ZC3HC1: variants seen among roughly 807,000 people sequenced by gnomAD.
The protein encoded by ZC3HC1 is zinc finger C3HC-type protein 1.
ZC3HC1 carries 38 observed loss-of-function variants against 61.9 expected under a neutral mutation model. The observed-to-expected ratio is 0.61, with a 90% CI of 0.47 to 0.81. The LOEUF (loss-of-function observed/expected upper bound fraction) is 0.81. Among genes scored for constraint, ZC3HC1 ranks in the 30% least tolerant of loss-of-function variants. The probability of loss-of-function intolerance (pLI) is 0.00; values close to 1 mark genes in which losing one functional copy is unlikely to be tolerated. For missense variants in ZC3HC1, 554 were observed against 622.7 expected (o/e 0.89, Z 1.17); for synonymous variants, 213 against 229.9 (o/e 0.93, Z 0.67).
In ZC3HC1 at chr7:130,023,769, A is replaced by G. The variant is rs1193239648; in HGVS notation, c.1021-46T>C. On this transcript the variant is annotated intron_variant, in intron 7 of 9. Transcript: ENST00000358303. The surrounding 1 kb of genome is among the most constrained non-coding windows in gnomAD (Gnocchi z 4.2). Reference sequence around the variant, plus strand: ...TGGAAGTACACGAATGATATTAATGATTATGGTCAGAAATACTTCTTTCTT... The same window carrying G: ...TGGAAGTACACGAATGATATTAATGGTTATGGTCAGAAATACTTCTTTCTT... 1 of 1,427,758 alleles carries G rather than the reference A, an allele frequency of 7.0e-7. No homozygotes were observed. The highest frequency in any genetic ancestry group is 2.3e-5 in the East Asian group (1 of 43,728). The allele number at this position is 1,427,758 out of a possible 1,614,324, so 88.4% of individuals were successfully genotyped here.
chr7:130,023,818 G>A lies in ZC3HC1; in HGVS notation c.1021-95C>T. On this transcript the variant is annotated intron_variant, in intron 7 of 9. Transcript: ENST00000358303. This position sits in a 1 kb window ranked among gnomAD's most constrained non-coding sequence, Gnocchi z 4.2. ...TTTAATCTTTTTTCTTTTTTTTTTT[G>A]AGACAGAGTCTCGCTTTGTTGCCAA... 1 of 1,062,766 alleles carries A rather than the reference G, an allele frequency of 9.4e-7. No homozygotes were observed. 65.8% of individuals were successfully genotyped at this position (1,062,766 alleles called of 1,614,324 possible). A position where few individuals can be genotyped will look rare whatever the true frequency, so the allele number is the denominator to read the frequency against.
In ZC3HC1 at chr7:130,023,806, CTTT is replaced by C; in HGVS notation, c.1021-86_1021-84del. Reference sequence around the variant, plus strand: ...AATACTTCTTTCTTTAATCTTTTTTCTTTTTTTTTTTGAGACAGAGTCTCGCTT... The same window carrying C: ...AATACTTCTTTCTTTAATCTTTTTTCTTTTTTTTGAGACAGAGTCTCGCTT... On this transcript the variant is annotated intron_variant, in intron 7 of 9. Transcript: ENST00000358303. This position sits in a 1 kb window ranked among gnomAD's most constrained non-coding sequence, Gnocchi z 4.2. The C allele has an allele frequency of 2.0e-6, 2 of 985,978 alleles. No homozygotes were observed. Among genetic ancestry groups the C allele is most frequent in the Non-Finnish European group, 1.4e-6 (1 of 720,170 alleles). The allele number at this position is 985,978 out of a possible 1,614,324, so 61.1% of individuals were successfully genotyped here. A position where few individuals can be genotyped will look rare whatever the true frequency, so the allele number is the denominator to read the frequency against.
At chr7:130,027,738 C>T (rs1274172141) in intron 5 of ZC3HC1, among the ~76,000 whole-genome samples, 4 of 151,852 alleles carry the variant, frequency 2.6e-5, no homozygotes, top group South Asian at 4.2e-4. Flanking sequence ...AGGCTGGTCT[C>T]GAACTCCTGA....
chr7:130,039,570 C>A, intron 3 of ZC3HC1, 23 bp from the exon 4 acceptor site: 1 of 1,593,302 alleles, frequency 6.3e-7, no homozygotes, highest in South Asian at 1.1e-5. Context: ...TAAACAGCAA[C>A]ACCTTAAAAA....
At chr7:130,019,868 T>C (rs1793561720) in intron 9 of ZC3HC1, among the ~76,000 whole-genome samples, 1 of 137,682 alleles carries the variant, frequency 7.3e-6, no homozygotes, top group African/African-American at 2.8e-5. Context: ...CAGGCTGGAG[T>C]GCTGTGGTGC....
chr7:130,031,978 C>T (rs772195438), intron 4 of ZC3HC1, among the ~76,000 whole-genome samples: 4 of 152,204 alleles, frequency 2.6e-5, no homozygotes, highest in Non-Finnish European at 5.9e-5. Context: ...GTAATCCCAA[C>T]ACTTTGGGAG....
intron 2 of ZC3HC1, chr7:130,043,775 T>C (rs1794767443): frequency 2.3e-6 from 1 of 437,536 alleles, no homozygotes; most frequent in African/African-American, 2.0e-5. Flanking sequence ...GGCAGCCAAG[T>C]GTGGAGTGCT....
chr7:130,028,163 CAAAAAAAAAAAAAAAAAAAA>C (rs58430072), intron 5 of ZC3HC1, among the ~76,000 whole-genome samples: 60 of 34,124 alleles, frequency 1.8e-3, no homozygotes, highest in African/African-American at 6.7e-3. Context: ...GACTCTGTCT[CAAAAAAAAAAAAAAAAAAAA>C]AAAAAAAAAA....
intron 9 of ZC3HC1, among the ~76,000 whole-genome samples, chr7:130,020,934 C>T (rs1793616773): frequency 6.6e-6 from 1 of 151,830 alleles, no homozygotes; most frequent in Non-Finnish European, 1.5e-5. Context: ...GAGACAGCGT[C>T]TCTCTCTGAA....
intron 2 of ZC3HC1, among the ~76,000 whole-genome samples, chr7:130,046,419 C>T (rs1361432934): frequency 1.3e-5 from 2 of 151,866 alleles, no homozygotes; most frequent in African/African-American, 4.8e-5. Flanking sequence ...CCAGCCTGGG[C>T]AACACAGTGA....
intron 4 of ZC3HC1, among the ~76,000 whole-genome samples, chr7:130,034,905 T>C (rs1289471020): frequency 6.6e-6 from 1 of 152,128 alleles, no homozygotes; most frequent in African/African-American, 2.4e-5. Flanking sequence ...ATCTCTTCCT[T>C]CAAAAAATCT....
At position 130,040,973 on chromosome 7, in the gene ZC3HC1, T is replaced by C; in HGVS notation, c.387A>G (p.Gln129=). 2.5e-6 allele frequency: 4 copies of C among 1,612,574 alleles called. No individual in the cohort carries two copies. Among genetic ancestry groups the C allele is most frequent in the Non-Finnish European group, 3.4e-6 (4 of 1,179,668 alleles). Residue 129 remains glutamine (Q), a synonymous_variant, in exon 3 of 10, where the codon CAA becomes CAG. Coordinates refer to ENST00000358303, the MANE Select transcript of ZC3HC1 (RefSeq NM_016478.5). ...TACATCTGTCAAAGTCAAAAGCTGG[T>C]TGTAAACTGGCACAGAGAAAAGCTT... ...SCQAFLCASL[Q]PAFDFDRYKQ...
rs1793730043 is a variant in ZC3HC1 at position 130,023,310 on chromosome 7, G to C, written c.1233+201C>G. ...GCCTGAAATATCTATTATTTCTCCA[G>C]AATCCACTCCAAAGGAACAAAAAGG... On this transcript the variant is annotated intron_variant, in intron 8 of 9. Transcript: ENST00000358303. The surrounding 1 kb of genome is among the most constrained non-coding windows in gnomAD (Gnocchi z 4.2). Among the ~76,000 whole-genome samples the C allele has an allele frequency of 1.3e-5, 2 of 152,160 alleles. No individual in the cohort carries two copies. The highest frequency in any genetic ancestry group is 4.1e-4 in the South Asian group (2 of 4,824).
rs1351935138 is a variant in ZC3HC1 at position 130,023,010 on chromosome 7, C to T, written c.1234-485G>A. On this transcript the variant is annotated intron_variant, in intron 8 of 9. Coordinates refer to ENST00000358303, the MANE Select transcript of ZC3HC1 (RefSeq NM_016478.5). The surrounding 1 kb of genome is among the most constrained non-coding windows in gnomAD (Gnocchi z 4.2). ...ATCTGTCACTGTTTCCCGTCACCCC[C>T]AGATGAGATCATCTAGTTGCAGGAA... The T allele has an allele frequency of 5.6e-6, 1 of 179,828 alleles. No homozygotes were observed. The highest frequency in any genetic ancestry group is 5.4e-5 in the Admixed American group (1 of 18,474). The allele number at this position is 179,828 out of a possible 1,614,324, so 11.1% of individuals were successfully genotyped here. A position where few individuals can be genotyped will look rare whatever the true frequency, so the allele number is the denominator to read the frequency against.
chr7:130,028,802 C>T, intron 5 of ZC3HC1, 100 bp downstream of exon 5: 1 of 1,481,404 alleles, frequency 6.8e-7, no homozygotes, highest in Non-Finnish European at 9.1e-7. Flanking sequence ...AAGCAGTTCT[C>T]TTCACAGCAA....
chr7:130,025,260 C>T (rs1793847360), intron 6 of ZC3HC1, among the ~76,000 whole-genome samples: 1 of 150,760 alleles, frequency 6.6e-6, no homozygotes, highest in Non-Finnish European at 1.5e-5. Flanking sequence ...ATTCCTTAAT[C>T]TACCAAAGAG....
chr7:130,026,241 CTCA>C lies in ZC3HC1; in HGVS notation c.690_692del (p.Asp230del). On this transcript the variant is annotated inframe_deletion, in exon 6 of 10. Transcript: ENST00000358303. ...AGCCTAATTTGATTGTAGTTTTTCT[CTCA>C]TCAGTTCGGTGATCAAGTTCATCTT... 4 of 1,614,118 alleles carry C rather than the reference CTCA, an allele frequency of 2.5e-6. No homozygotes were observed. The highest frequency in any genetic ancestry group is 3.4e-6 in the Non-Finnish European group (4 of 1,180,014).
intron 5 of ZC3HC1, 111 bp downstream of exon 5, chr7:130,028,791 C>T: frequency 1.4e-6 from 2 of 1,408,194 alleles, no homozygotes; most frequent in South Asian, 1.5e-5. Flanking sequence ...GAGAGACAGA[C>T]AAGCAGTTCT....
intron 1 of ZC3HC1, chr7:130,050,405 T>C (rs754447877): frequency 4.6e-6 from 7 of 1,532,958 alleles, no homozygotes; most frequent in Non-Finnish European, 4.4e-6. Flanking sequence ...AAAAATAGGA[T>C]TACATCAACG....
Sources: allele counts gnomAD v4.1 joint callset (sites outside exome capture counted in the v4.1 genomes callset), GRCh38; gene constraint gnomAD v4.1.1; non-coding constraint Gnocchi (gnomAD v3.1); transcripts MANE v1.5; gene names NCBI Gene and HGNC (gene_info 2026-07-23, HGNC 2026-07-21).